Variants in ACVR2A observed in about 807,000 individuals in gnomAD.
The protein encoded by ACVR2A is activin A receptor type 2A.
ACVR2A carries 7 observed loss-of-function variants against 61.4 expected under a neutral mutation model. That is an observed-to-expected ratio of 0.11 (90% confidence interval 0.06 to 0.21). ACVR2A has a LOEUF of 0.21. ACVR2A is among the 10% of genes least tolerant of loss of function. The probability of loss-of-function intolerance (pLI) is 1.00; values close to 1 mark genes in which losing one functional copy is unlikely to be tolerated. For missense variants in ACVR2A, 322 were observed against 621.7 expected (o/e 0.52, Z 5.13); for synonymous variants, 193 against 208.3 (o/e 0.93, Z 0.63).
At chr2:147,895,535 TGAGAA>T (rs1686709902) in intron 1 of ACVR2A, among the ~76,000 whole-genome samples, 1 of 152,304 alleles carries the variant, frequency 6.6e-6, no homozygotes, top group South Asian at 2.1e-4. Flanking sequence ...GAATTGCTCC[TGAGAA>T]GAGAAAAGTC....
chr2:147,890,381 C>T (rs1258071575), intron 1 of ACVR2A, among the ~76,000 whole-genome samples: 1 of 142,256 alleles, frequency 7.0e-6, no homozygotes, highest in Admixed American at 6.9e-5. Context: ...TACACACATA[C>T]ATGTACTCTT....
At chr2:147,863,314 T>A (rs1685772727) in intron 1 of ACVR2A, among the ~76,000 whole-genome samples, 1 of 152,170 alleles carries the variant, frequency 6.6e-6, no homozygotes, top group African/African-American at 2.4e-5. Flanking sequence ...GTCTACTATG[T>A]TTCCTGTGGC....
chr2:147,846,726 C>G (rs1685321201), intron 1 of ACVR2A, among the ~76,000 whole-genome samples: 1 of 152,082 alleles, frequency 6.6e-6, no homozygotes, highest in Non-Finnish European at 1.5e-5. Context: ...AACATTAAAC[C>G]TCTTGCTTTT....
At chr2:147,853,633 C>T (rs1279996513) in intron 1 of ACVR2A, among the ~76,000 whole-genome samples, 1 of 151,974 alleles carries the variant, frequency 6.6e-6, no homozygotes, top group Non-Finnish European at 1.5e-5. Context: ...AAGAGAGTTA[C>T]TACATTAGAA....
In ACVR2A at chr2:147,920,360, A is replaced by G. The variant is rs1258787948; in HGVS notation, c.1077+16A>G. The G allele has an allele frequency of 6.4e-7, 1 of 1,557,950 alleles. No homozygotes were observed. The highest frequency in any genetic ancestry group is 8.8e-7 in the Non-Finnish European group (1 of 1,137,562). ...CCATGGACAGGTAAGGATGATGATTATAAAATGTAAGAAAAAATAAACTTG... is the reference window on the plus strand; with the variant it reads ...CCATGGACAGGTAAGGATGATGATTGTAAAATGTAAGAAAAAATAAACTTG... On this transcript the variant is annotated intron_variant, in intron 8 of 10. Transcript: ENST00000241416.
At chr2:147,858,161 A>G (rs1476573486) in intron 1 of ACVR2A, among the ~76,000 whole-genome samples, 1 of 152,174 alleles carries the variant, frequency 6.6e-6, no homozygotes, top group Non-Finnish European at 1.5e-5. Flanking sequence ...ATGGCCATAC[A>G]TGCAACTTAA....
chr2:147,912,964 A>G (rs539276263), intron 4 of ACVR2A, among the ~76,000 whole-genome samples: 23 of 152,004 alleles, frequency 1.5e-4, no homozygotes, highest in African/African-American at 5.3e-4. Context: ...ACAATATTGA[A>G]TAAATTATAG....
chr2:147,872,360 TTG>T (rs1264046375), intron 1 of ACVR2A, among the ~76,000 whole-genome samples: 3 of 151,924 alleles, frequency 2.0e-5, no homozygotes, highest in African/African-American at 7.2e-5. Context: ...TTACCTTATG[TTG>T]TGCTTCATAT....
chr2:147,846,379 G>C (rs186587096), intron 1 of ACVR2A, among the ~76,000 whole-genome samples: 1 of 151,558 alleles, frequency 6.6e-6, no homozygotes, highest in African/African-American at 2.4e-5. Context: ...GTGTACCTCT[G>C]TGGGGTGTGT....
chr2:147,926,014 C>G lies in ACVR2A; in HGVS notation c.1217-17C>G. ...ATTTTAATGAAAATGATTTATTTTA[C>G]TTTTCTTACTTTTCAGGACCTGTAG... On this transcript the variant is annotated splice_polypyrimidine_tract_variant and intron_variant, in intron 9 of 10. Transcript: ENST00000241416. The G allele has an allele frequency of 2.5e-6, 4 of 1,590,186 alleles. No individual in the cohort carries two copies. The South Asian group carries it at 4.6e-5, about 18-fold the overall frequency.
rs780376676 is a variant in ACVR2A at position 147,927,359 on chromosome 2, G to C, written c.*85G>C. 40 of 1,279,072 alleles carry C rather than the reference G, an allele frequency of 3.1e-5. No individual in the cohort carries two copies. The highest frequency in any genetic ancestry group is 4.1e-5 in the Non-Finnish European group (38 of 935,442). The allele number at this position is 1,279,072 out of a possible 1,614,324, so 79.2% of individuals were successfully genotyped here. On this transcript the variant is annotated 3_prime_UTR_variant, in exon 11 of 11. Transcript: ENST00000241416. ...AGAAACTGCTTACAGTTTATTTTCT[G>C]TGTAAAATGAGTAGGATGTCTCTTG...
At chr2:147,865,992 G>T (rs541109809) in intron 1 of ACVR2A, among the ~76,000 whole-genome samples, 98 of 152,218 alleles carry the variant, frequency 6.4e-4, no homozygotes, top group Non-Finnish European at 1.1e-3. Context: ...TGTTTTCTCT[G>T]TCAGGCCTGG....
intron 1 of ACVR2A, among the ~76,000 whole-genome samples, chr2:147,856,581 T>A (rs1049655001): frequency 6.6e-6 from 1 of 152,264 alleles, no homozygotes; most frequent in African/African-American, 2.4e-5. Context: ...TAATTAATTT[T>A]ATATAACCTA....
intron 4 of ACVR2A, among the ~76,000 whole-genome samples, chr2:147,904,435 G>C (rs1168895369): frequency 1.3e-5 from 2 of 151,976 alleles, no homozygotes; most frequent in Admixed American, 6.6e-5. Context: ...TTAAGGGTTA[G>C]AAATGACCTA....
chr2:147,902,759 G>T (rs1031593929), intron 4 of ACVR2A: 2 of 151,916 alleles, frequency 1.3e-5, no homozygotes, highest in African/African-American at 4.8e-5. Context: ...AAGGGTAGGA[G>T]AAGTAGGAGA....
At position 147,845,057 on chromosome 2, in the gene ACVR2A, G is replaced by C. The variant is rs1231843098; in HGVS notation, c.-96G>C. The C allele has an allele frequency of 1.0e-5, 5 of 497,422 alleles. No homozygotes were observed. The highest frequency in any genetic ancestry group is 1.3e-5 in the Non-Finnish European group (4 of 296,568). The allele number at this position is 497,422 out of a possible 1,614,324, so 30.8% of individuals were successfully genotyped here. ...TGGGCTTCCGAATATGTTTTATGACGGTTGATTTTACACCAGGAGGTTTGT... is the reference window on the plus strand; with the variant it reads ...TGGGCTTCCGAATATGTTTTATGACCGTTGATTTTACACCAGGAGGTTTGT... On this transcript the variant is annotated 5_prime_UTR_variant, in exon 1 of 11. Coordinates refer to ENST00000241416, the MANE Select transcript of ACVR2A (RefSeq NM_001616.5).
At chr2:147,896,728 C>G in intron 2 of ACVR2A, 1 of 491,486 alleles carries the variant, frequency 2.0e-6, no homozygotes, top group Non-Finnish European at 3.6e-6. Flanking sequence ...TTTGAATAAT[C>G]TACCCAGTAG....
intron 1 of ACVR2A, among the ~76,000 whole-genome samples, chr2:147,866,618 G>A (rs1041808065): frequency 3.3e-5 from 5 of 152,160 alleles, no homozygotes; most frequent in African/African-American, 9.7e-5. Context: ...AATGGGAGAC[G>A]AGTCTGCAGA....
intron 1 of ACVR2A, among the ~76,000 whole-genome samples, chr2:147,892,982 A>G (rs1403551239): frequency 2.6e-5 from 4 of 152,158 alleles, no homozygotes; most frequent in Non-Finnish European, 4.4e-5. Flanking sequence ...TGAACCATAC[A>G]TATTATACAA....
Sources: gnomAD v4.1 joint callset for allele counts (sites outside exome capture counted in the v4.1 genomes callset) on GRCh38, gnomAD v4.1.1 for gene constraint, MANE v1.5 for transcripts, NCBI Gene and HGNC (gene_info 2026-07-23, HGNC 2026-07-21) for gene names.